DMD: variants seen among roughly 807,000 people sequenced by gnomAD.
The protein encoded by DMD is dystrophin.
A neutral mutation model predicts 330.1 loss-of-function variants in DMD; 63 were observed. The observed-to-expected ratio is 0.19, with a 90% CI of 0.16 to 0.24. The LOEUF (loss-of-function observed/expected upper bound fraction) is 0.24. Ranked by LOEUF, DMD falls within the 10% of genes least tolerant of loss-of-function variation. The probability of loss-of-function intolerance (pLI) is 1.00; values close to 1 mark genes in which losing one functional copy is unlikely to be tolerated. For missense variants in DMD, 3,344 were observed against 2,684.1 expected (o/e 1.25, Z -5.43); for synonymous variants, 1,223 against 959.8 (o/e 1.27, Z -5.07).
intron 76 of DMD, among the ~76,000 whole-genome samples, chrX:31,138,855 C>T (rs2147838216): frequency 9.0e-6 from 1 of 111,642 alleles, no homozygotes; most frequent in East Asian, 2.8e-4. Context: ...GGTGGGAACA[C>T]AGAGCCAAAC....
intron 1 of DMD, among the ~76,000 whole-genome samples, chrX:33,247,021 A>G (rs932409315): frequency 1.8e-5 from 2 of 111,936 alleles, no homozygotes; most frequent in Non-Finnish European, 1.9e-5. Context: ...TAGTACTTAA[A>G]CAAAGCCTTA....
chrX:31,715,474 C>T (rs1027528937), intron 52 of DMD, among the ~76,000 whole-genome samples: 2 of 93,713 alleles, frequency 2.1e-5, no homozygotes, highest in African/African-American at 8.1e-5. Flanking sequence ...ACCCGGGAGG[C>T]GGAGCTTGCA....
intron 44 of DMD, among the ~76,000 whole-genome samples, chrX:32,153,957 C>T (rs1462576455): frequency 8.9e-6 from 1 of 112,419 alleles, no homozygotes; most frequent in African/African-American, 3.2e-5. Context: ...GGTATCTTTT[C>T]TCCCCACACA....
chrX:32,687,828 G>A (rs1206461970), intron 9 of DMD, among the ~76,000 whole-genome samples: 1 of 111,129 alleles, frequency 9.0e-6, no homozygotes, highest in Non-Finnish European at 1.9e-5. Flanking sequence ...GGTGAACAAG[G>A]TAAGCACACC....
intron 7 of DMD, among the ~76,000 whole-genome samples, chrX:32,735,921 C>T (rs942955221): frequency 1.8e-5 from 2 of 111,948 alleles, no homozygotes; most frequent in Admixed American, 9.5e-5. Context: ...CAAATGGGAT[C>T]TCGTTAAACT....
chrX:32,002,483 T>C (rs1350753233), intron 44 of DMD, among the ~76,000 whole-genome samples: 1 of 112,071 alleles, frequency 8.9e-6, no homozygotes, highest in Admixed American at 9.5e-5. Context: ...TCTTTACACC[T>C]AGCATTAGCT....
At chrX:32,356,487 C>T (rs1169823076) in intron 37 of DMD, among the ~76,000 whole-genome samples, 2 of 106,701 alleles carry the variant, frequency 1.9e-5, no homozygotes, top group Non-Finnish European at 3.8e-5. Context: ...TCTCATATTA[C>T]AGTTGTAATA....
intron 6 of DMD, among the ~76,000 whole-genome samples, chrX:32,810,579 AC>A (rs1396994269): frequency 8.9e-6 from 1 of 111,825 alleles, no homozygotes; most frequent in East Asian, 2.8e-4. Flanking sequence ...CTCTCACACA[AC>A]ATTTAATTCA....
At chrX:33,184,659 C>T (rs1484285721) in intron 1 of DMD, among the ~76,000 whole-genome samples, 2 of 109,795 alleles carry the variant, frequency 1.8e-5, no homozygotes, top group Non-Finnish European at 3.8e-5. Flanking sequence ...TTGATTTTAT[C>T]CCCATTATTC....
chrX:32,162,590 C>CTTTTTTTTT (rs3040088), intron 44 of DMD, among the ~76,000 whole-genome samples: 1 of 43,241 alleles, frequency 2.3e-5, no homozygotes, highest in Non-Finnish European at 3.9e-5. Context: ...AAGCAACAAG[C>CTTTTTTTTT]TTTTTTTTTT....
At chrX:32,659,587 A>G (rs2060814250) in intron 9 of DMD, among the ~76,000 whole-genome samples, 1 of 111,272 alleles carries the variant, frequency 9.0e-6, no homozygotes, top group African/African-American at 3.3e-5. Flanking sequence ...TAGACAGTTT[A>G]TTTTGTTCAG....
intron 2 of DMD, among the ~76,000 whole-genome samples, chrX:32,999,804 A>AC (rs1557197410): frequency 9.8e-6 from 1 of 101,877 alleles, no homozygotes; most frequent in South Asian, 4.0e-4. Flanking sequence ...AAAAACAAAA[A>AC]ACAAAAAAAA....
intron 13 of DMD, among the ~76,000 whole-genome samples, chrX:32,592,545 T>A (rs2055041367): frequency 9.0e-6 from 1 of 111,414 alleles, no homozygotes; most frequent in South Asian, 3.8e-4. Context: ...CTGAGAGCTG[T>A]TCTCTCGCTC....
chrX:31,405,054 T>C (rs2061350357), intron 60 of DMD, among the ~76,000 whole-genome samples: 1 of 111,820 alleles, frequency 8.9e-6, no homozygotes, highest in African/African-American at 3.2e-5. Flanking sequence ...GCACTATTCC[T>C]GGAAGAATAA....
At chrX:31,797,786 A>C (rs2091893697) in intron 50 of DMD, among the ~76,000 whole-genome samples, 1 of 111,428 alleles carries the variant, frequency 9.0e-6, no homozygotes, top group Non-Finnish European at 1.9e-5. Flanking sequence ...GAATGTAAAA[A>C]ATGAAAGACT....
chrX:31,879,689 A>T (rs866107406), intron 47 of DMD, among the ~76,000 whole-genome samples: 1 of 108,122 alleles, frequency 9.2e-6, no homozygotes, highest in African/African-American at 3.6e-5. Flanking sequence ...TTTAACACAT[A>T]TTTTTTTTGT....
At chrX:31,753,579 G>GA (rs1293938036) in intron 51 of DMD, among the ~76,000 whole-genome samples, 1 of 111,538 alleles carries the variant, frequency 9.0e-6, no homozygotes, top group Non-Finnish European at 1.9e-5. Flanking sequence ...TCACAAACAT[G>GA]AAAATATTTT....
chrX:31,555,842 C>T (rs2074777477), intron 55 of DMD, among the ~76,000 whole-genome samples: 2 of 111,761 alleles, frequency 1.8e-5, no homozygotes, highest in Non-Finnish European at 3.8e-5. Context: ...CTATTCTAAG[C>T]GTGTTAACTT....
intron 17 of DMD, among the ~76,000 whole-genome samples, chrX:32,524,850 G>C (rs1044969502): frequency 1.8e-5 from 2 of 112,514 alleles, no homozygotes; most frequent in African/African-American, 6.5e-5. Flanking sequence ...ATCGTATGGA[G>C]AGTGATTACG....
Sources: gnomAD v4.1 joint callset for allele counts (sites outside exome capture counted in the v4.1 genomes callset) on GRCh38, gnomAD v4.1.1 for gene constraint, MANE v1.5 for transcripts, NCBI Gene and HGNC (gene_info 2026-07-23, HGNC 2026-07-21) for gene names.